LRP1B: variants seen among roughly 807,000 people sequenced by gnomAD.
LRP1B encodes the protein LDL receptor related protein 1B, also known as low-density lipoprotein receptor-related protein 1B.
LRP1B carries 217 observed loss-of-function variants against 556.6 expected under a neutral mutation model. The observed-to-expected ratio is 0.39, with a 90% CI of 0.35 to 0.44. The LOEUF is 0.44. Among genes scored for constraint, LRP1B ranks in the 20% least tolerant of loss-of-function variants. LRP1B has a pLI of 1.00. For missense variants in LRP1B, 5,053 were observed against 5,620.8 expected (o/e 0.90, Z 3.23); for synonymous variants, 2,047 against 1,865.8 (o/e 1.10, Z -2.50).
chr2:140,281,214 T>C (rs1312559707), intron 84 of LRP1B, among the ~76,000 whole-genome samples: 1 of 151,968 alleles, frequency 6.6e-6, no homozygotes, highest in Admixed American at 6.6e-5. Flanking sequence ...TAAAAATATG[T>C]GCGTGTATGT....
chr2:140,454,075 C>T (rs1239192196), intron 62 of LRP1B, among the ~76,000 whole-genome samples: 4 of 152,122 alleles, frequency 2.6e-5, no homozygotes, highest in Non-Finnish European at 5.9e-5. Flanking sequence ...GCCTCATAAA[C>T]GAGATGAGTT....
chr2:141,947,816 G>GA (rs373885349), intron 1 of LRP1B, among the ~76,000 whole-genome samples: 37,298 of 140,822 alleles, frequency 0.26, 4,883 homozygotes, highest in South Asian at 0.36. Context: ...TTAAATATCA[G>GA]AAAAAAAAAA....
chr2:140,414,998 A>G (rs529463225), intron 66 of LRP1B, among the ~76,000 whole-genome samples: 221 of 152,236 alleles, frequency 1.5e-3, no homozygotes, highest in Non-Finnish European at 8.4e-4. Flanking sequence ...AAAGGAATGC[A>G]TTCCTTGGGG....
intron 65 of LRP1B, among the ~76,000 whole-genome samples, chr2:140,443,970 G>C (rs1317490751): frequency 6.6e-6 from 1 of 152,090 alleles, no homozygotes; most frequent in Non-Finnish European, 1.5e-5. Context: ...TCAAGAAACT[G>C]ATTAATCACA....
intron 49 of LRP1B, among the ~76,000 whole-genome samples, chr2:140,519,515 A>G (rs550341134): frequency 2.6e-4 from 39 of 152,318 alleles, no homozygotes; most frequent in African/African-American, 9.4e-4. Context: ...ACCCTAGAAG[A>G]AAACCTCGGC....
At chr2:141,790,752 C>T (rs1167818180) in intron 2 of LRP1B, among the ~76,000 whole-genome samples, 2 of 151,822 alleles carry the variant, frequency 1.3e-5, no homozygotes, top group South Asian at 4.1e-4. Context: ...AAAAATGATT[C>T]TAGAAATTTT....
chr2:140,537,182 T>TA lies in LRP1B; in HGVS notation c.7514-474dup, dbSNP rs531576939. Reference sequence around the variant, plus strand: ...TGAGACTCTGTATCAAAATAATAATTATTATTATATATAAGAATATATAAT... The same window carrying TA: ...TGAGACTCTGTATCAAAATAATAATTAATTATTATATATAAGAATATATAAT... On this transcript the variant is annotated intron_variant, in intron 45 of 90. Transcript: ENST00000389484. Among the ~76,000 whole-genome samples the TA allele has an allele frequency of 5.9e-3, 554 of 94,172 alleles. 4 individuals carry two copies. Among genetic ancestry groups the TA allele is most frequent in the African/African-American group, 0.019 (518 of 26,642 alleles). 61.8% of individuals were successfully genotyped at this position (94,172 alleles called of 152,430 possible). A position where few individuals can be genotyped will look rare whatever the true frequency, so the allele number is the denominator to read the frequency against.
At chr2:141,523,023 A>G (rs898992514) in intron 2 of LRP1B, among the ~76,000 whole-genome samples, 4 of 152,006 alleles carry the variant, frequency 2.6e-5, no homozygotes, top group African/African-American at 9.7e-5. Context: ...TATTATGAGG[A>G]CTCTGACATC....
intron 3 of LRP1B, among the ~76,000 whole-genome samples, chr2:141,314,520 G>A (rs896175556): frequency 1.7e-4 from 26 of 151,914 alleles, no homozygotes; most frequent in African/African-American, 5.8e-4. Flanking sequence ...GGCCGGGCGC[G>A]GTGGCTCACG....
At chr2:140,806,401 C>T (rs1024693913) in intron 32 of LRP1B, among the ~76,000 whole-genome samples, 15 of 152,108 alleles carry the variant, frequency 9.9e-5, no homozygotes, top group Middle Eastern at 3.4e-3. Flanking sequence ...GATCATTTAG[C>T]GCCATAAAAC....
At chr2:140,907,245 C>T (rs915072056) in intron 22 of LRP1B, among the ~76,000 whole-genome samples, 5 of 151,892 alleles carry the variant, frequency 3.3e-5, no homozygotes, top group Admixed American at 1.3e-4. Flanking sequence ...TCTGATCTCC[C>T]GGAAGAGAAG....
At chr2:140,890,467 T>C (rs1257680833) in intron 23 of LRP1B, among the ~76,000 whole-genome samples, 1 of 152,188 alleles carries the variant, frequency 6.6e-6, no homozygotes, top group Non-Finnish European at 1.5e-5. Context: ...AGTATCTTAT[T>C]AAAACTGCTC....
chr2:140,466,655 AT>A (rs1256973583), intron 60 of LRP1B, among the ~76,000 whole-genome samples: 1 of 152,210 alleles, frequency 6.6e-6, no homozygotes, highest in African/African-American at 2.4e-5. Flanking sequence ...TAAGAGTATA[AT>A]TTTTTCCAAT....
intron 2 of LRP1B, among the ~76,000 whole-genome samples, chr2:141,802,945 G>A (rs1442075705): frequency 1.3e-5 from 2 of 152,054 alleles, no homozygotes; most frequent in Non-Finnish European, 2.9e-5. Context: ...ACAGTACATC[G>A]TCTTTTAAGC....
At chr2:141,017,071 T>A (rs1220296715) in intron 12 of LRP1B, among the ~76,000 whole-genome samples, 1 of 152,104 alleles carries the variant, frequency 6.6e-6, no homozygotes, top group Non-Finnish European at 1.5e-5. Context: ...CCCAAGGAAC[T>A]ATATTGAGAC....
chr2:140,550,308 T>C (rs549030040), intron 43 of LRP1B, among the ~76,000 whole-genome samples: 67 of 152,266 alleles, frequency 4.4e-4, no homozygotes, highest in African/African-American at 1.6e-3. Flanking sequence ...TTCTTTGTCT[T>C]TTCCTCCTAG....
Position 141,364,298 on chromosome 2 carries a change from A to C in LRP1B, c.344-109657T>G, listed in dbSNP as rs908373596. Among the ~76,000 whole-genome samples the C allele has an allele frequency of 1.9e-4, 25 of 132,568 alleles. No individual in the cohort carries two copies. In the East Asian group the frequency reaches 2.0e-3, roughly 11 times the overall value. The allele number at this position is 132,568 out of a possible 152,430, so 87.0% of individuals were successfully genotyped here. A position where few individuals can be genotyped will look rare whatever the true frequency, so the allele number is the denominator to read the frequency against. On this transcript the variant is annotated intron_variant, in intron 3 of 90. Coordinates refer to ENST00000389484, the MANE Select transcript of LRP1B (RefSeq NM_018557.3). The stretch of plus-strand genomic sequence containing the variant: ...ACACACACACACACACACACACGCA[A>C]ACACACACACAGTTGAATGATTAAA...
intron 1 of LRP1B, among the ~76,000 whole-genome samples, chr2:142,040,810 AT>A (rs539174712): frequency 8.7e-5 from 13 of 148,800 alleles, no homozygotes; most frequent in Middle Eastern, 3.5e-3. Context: ...AGGTAAACCT[AT>A]TTTTTTTTTC....
intron 21 of LRP1B, among the ~76,000 whole-genome samples, chr2:140,921,746 T>A (rs1279449377): frequency 6.6e-6 from 1 of 151,956 alleles, no homozygotes; most frequent in Admixed American, 6.6e-5. Context: ...GCTTCAGGAG[T>A]ATGTATTTAT....
Sources: allele counts gnomAD v4.1 joint callset (sites outside exome capture counted in the v4.1 genomes callset), GRCh38; gene constraint gnomAD v4.1.1; transcripts MANE v1.5; gene names NCBI Gene and HGNC (gene_info 2026-07-23, HGNC 2026-07-21).